Variants in DCLK1 observed in about 807,000 individuals in gnomAD.
DCLK1 encodes the protein doublecortin like kinase 1.
DCLK1 carries 16 observed loss-of-function variants against 86.2 expected under a neutral mutation model. That is an observed-to-expected ratio of 0.19 (90% CI 0.13 to 0.28). DCLK1 has a LOEUF of 0.28. Ranked by LOEUF, DCLK1 falls within the 10% of genes least tolerant of loss-of-function variation. The pLI, the probability that DCLK1 is intolerant of heterozygous loss-of-function variation, is 1.00. For missense variants in DCLK1, 590 were observed against 940.2 expected (o/e 0.63, Z 4.87); for synonymous variants, 369 against 370.5 (o/e 1.00, Z 0.05).
intron 3 of DCLK1, among the ~76,000 whole-genome samples, chr13:36,064,244 T>C (rs544143844): frequency 6.6e-6 from 1 of 152,354 alleles, no homozygotes; most frequent in South Asian, 2.1e-4. Context: ...CTGAATACAC[T>C]GCAGCAAATG....
chr13:35,792,144 C>T (rs1226282640), intron 16 of DCLK1, among the ~76,000 whole-genome samples: 2 of 152,218 alleles, frequency 1.3e-5, no homozygotes, highest in Non-Finnish European at 2.9e-5. Flanking sequence ...TGAGGAACAT[C>T]TGGAAGAGTA....
intron 5 of DCLK1, among the ~76,000 whole-genome samples, chr13:35,860,636 C>T (rs1036346683): frequency 5.3e-5 from 8 of 152,174 alleles, no homozygotes; most frequent in African/African-American, 1.9e-4. Flanking sequence ...ATTTAGGCAA[C>T]AGCTCCTAGT....
chr13:35,838,374 T>C (rs1481536907), intron 7 of DCLK1, among the ~76,000 whole-genome samples: 1 of 152,212 alleles, frequency 6.6e-6, no homozygotes, highest in East Asian at 1.9e-4. Flanking sequence ...TAACAGTGGC[T>C]TGATGGTATC....
In DCLK1 at chr13:35,793,435, T is replaced by C; in HGVS notation, c.1989A>G (p.Gly663=). The change falls in exon 16 of 17, where the codon GGA becomes GGG. Residue 663 remains glycine, a synonymous_variant. Coordinates refer to ENST00000360631, the MANE Select transcript of DCLK1 (RefSeq NM_001330071.2). Reference sequence around the variant, plus strand: ...CTGTGTTGAAATGCTTCTTTATCTTTCCAGCTACTGACAGCTGATGTTCAT... The same window carrying C: ...CTGTGTTGAAATGCTTCTTTATCTTCCCAGCTACTGACAGCTGATGTTCAT... ...PENEHQLSVA[G]KIKKHFNTGP... is the part of the protein sequence containing the mutation. 6.2e-7 allele frequency: 1 copy of C among 1,609,958 alleles called. No homozygotes were observed. Among genetic ancestry groups the C allele is most frequent in the Admixed American group, 1.7e-5 (1 of 59,564 alleles).
chr13:35,771,771 T>C lies in DCLK1; in HGVS notation c.*2764A>G, dbSNP rs1028263030. The C allele has an allele frequency of 3.3e-5, 5 of 152,204 alleles. No individual in the cohort carries two copies. Among genetic ancestry groups the C allele is most frequent in the Non-Finnish European group, 7.3e-5 (5 of 68,042 alleles). The allele number at this position is 152,204 out of a possible 1,614,324, so 9.4% of individuals were successfully genotyped here. On this transcript the variant is annotated 3_prime_UTR_variant, in exon 17 of 17. Transcript: ENST00000360631. ...AAAAATATGGAAACACCGGTGGTGA[T>C]GATTAAATTGATAATTACATAGATA...
intron 3 of DCLK1, among the ~76,000 whole-genome samples, chr13:36,073,283 T>C (rs1226781155): frequency 2.0e-5 from 3 of 152,208 alleles, no homozygotes; most frequent in Non-Finnish European, 4.4e-5. Context: ...CTAATCTATC[T>C]GTCTTTATGG....
chr13:35,963,007 T>G (rs1230763923), intron 3 of DCLK1, among the ~76,000 whole-genome samples: 1 of 152,188 alleles, frequency 6.6e-6, no homozygotes, highest in Non-Finnish European at 1.5e-5. Context: ...CTCCTTGACT[T>G]CTAAGATAGA....
chr13:35,963,250 G>C (rs1878554391), intron 3 of DCLK1, among the ~76,000 whole-genome samples: 1 of 152,142 alleles, frequency 6.6e-6, no homozygotes, highest in South Asian at 2.1e-4. Flanking sequence ...ACCTGCAAAG[G>C]GTGAACTGGG....
At chr13:35,925,882 A>T (rs932128879) in intron 4 of DCLK1, among the ~76,000 whole-genome samples, 1 of 152,176 alleles carries the variant, frequency 6.6e-6, no homozygotes, top group African/African-American at 2.4e-5. Flanking sequence ...CACATCCAAG[A>T]TATGCAGTGT....
chr13:35,888,027 C>T (rs1197109029), intron 4 of DCLK1, among the ~76,000 whole-genome samples: 1 of 151,750 alleles, frequency 6.6e-6, no homozygotes, highest in Non-Finnish European at 1.5e-5. Flanking sequence ...TATTCTTTCA[C>T]ATTCATCCAA....
At position 35,849,551 on chromosome 13, in the gene DCLK1, T is replaced by A. The variant is rs75750408; in HGVS notation, c.1035+4948A>T. On this transcript the variant is annotated intron_variant, in intron 6 of 16. Coordinates refer to ENST00000360631, the MANE Select transcript of DCLK1 (RefSeq NM_001330071.2). ...CAATAGACCATACACATTAAATTAA[T>A]TTTTAACATTCAGACTTTAAAATCA... 1,685 of 979,552 alleles carry A rather than the reference T, an allele frequency of 1.7e-3. 15 individuals are homozygous for A. In the African/African-American group the frequency reaches 0.025, roughly 14 times the overall value. 60.7% of individuals were successfully genotyped at this position (979,552 alleles called of 1,614,324 possible).
chr13:35,864,178 T>C (rs1237871309), intron 5 of DCLK1, among the ~76,000 whole-genome samples: 4 of 152,154 alleles, frequency 2.6e-5, no homozygotes, highest in Non-Finnish European at 4.4e-5. Context: ...ATATTGGAAT[T>C]GAAAGGTGTG....
chr13:35,951,185 G>A (rs1032609149), intron 3 of DCLK1, among the ~76,000 whole-genome samples: 4 of 151,340 alleles, frequency 2.6e-5, no homozygotes, highest in Non-Finnish European at 4.4e-5. Context: ...TCAAGCTTCC[G>A]GTTTTTTTAG....
intron 3 of DCLK1, among the ~76,000 whole-genome samples, chr13:36,093,719 C>A (rs529550498): frequency 6.6e-6 from 1 of 151,956 alleles, no homozygotes; most frequent in East Asian, 1.9e-4. Flanking sequence ...CTCTCAAATA[C>A]CCTAAGGAAT....
chr13:36,059,868 C>CTTTT (rs57867541), intron 3 of DCLK1, among the ~76,000 whole-genome samples: 2 of 140,346 alleles, frequency 1.4e-5, no homozygotes, highest in East Asian at 4.2e-4. Flanking sequence ...ACTTAAATCT[C>CTTTT]TTTTTTTTTT....
chr13:35,791,538 T>C (rs2086708600), intron 16 of DCLK1, among the ~76,000 whole-genome samples: 1 of 152,148 alleles, frequency 6.6e-6, no homozygotes. Flanking sequence ...TAGATGAGGT[T>C]TTAATGAATT....
chr13:35,850,030 A>C (rs1219049292), intron 6 of DCLK1: 1 of 975,908 alleles, frequency 1.0e-6, no homozygotes, highest in African/African-American at 1.8e-5. Flanking sequence ...TAACTTTAAA[A>C]AATAAAATTT....
intron 3 of DCLK1, among the ~76,000 whole-genome samples, chr13:36,004,790 C>A (rs1252905028): frequency 6.6e-6 from 1 of 152,076 alleles, no homozygotes; most frequent in Non-Finnish European, 1.5e-5. Context: ...GTTGTCCAGG[C>A]TGGTCTCAAA....
chr13:35,989,701 G>A (rs1275754709), intron 3 of DCLK1, among the ~76,000 whole-genome samples: 2 of 145,984 alleles, frequency 1.4e-5, no homozygotes, highest in South Asian at 4.3e-4. Flanking sequence ...CATCATGCCT[G>A]GCTAATTGGC....
Sources: gnomAD v4.1 joint callset for allele counts (sites outside exome capture counted in the v4.1 genomes callset) on GRCh38, gnomAD v4.1.1 for gene constraint, MANE v1.5 for transcripts, NCBI Gene and HGNC (gene_info 2026-07-23, HGNC 2026-07-21) for gene names.